Variants in LARP4B observed in about 807,000 individuals in gnomAD.
LARP4B encodes the protein La ribonucleoprotein 4B.
LARP4B carries 12 observed loss-of-function variants against 89.8 expected under a neutral mutation model. The ratio of observed to expected loss-of-function variants is 0.13; its 90% confidence interval spans 0.09 to 0.22. The LOEUF is 0.22. LARP4B is among the 10% of genes least tolerant of loss of function. The pLI is 1.00. For missense variants in LARP4B, 757 were observed against 947.7 expected, an observed-to-expected ratio of 0.80 and a Z score of 2.64; for synonymous variants, 367 against 363.3, an observed-to-expected ratio of 1.01 and a Z score of -0.12.
intron 5 of LARP4B, among the ~76,000 whole-genome samples, chr10:850,170 C>G (rs955826476): frequency 3.3e-5 from 5 of 152,160 alleles, no homozygotes; most frequent in Non-Finnish European, 4.4e-5. Flanking sequence ...TAAAACTATT[C>G]TAAAACAAAT....
chr10:921,552 A>T (rs1836981222), intron 1 of LARP4B, among the ~76,000 whole-genome samples: 1 of 152,182 alleles, frequency 6.6e-6, no homozygotes, highest in Non-Finnish European at 1.5e-5. Context: ...CACTTCCAAA[A>T]TTCTGAACTT....
chr10:892,961 A>G (rs1300160566), intron 1 of LARP4B, among the ~76,000 whole-genome samples: 1 of 138,996 alleles, frequency 7.2e-6, no homozygotes, highest in Admixed American at 7.6e-5. Context: ...CCCAGGCTGG[A>G]GTGCAATGGC....
chr10:841,916 C>T lies in LARP4B; in HGVS notation c.646+1016G>A, dbSNP rs140991129. 1.1e-3 allele frequency among the ~76,000 whole-genome samples: 162 copies of T among 151,928 alleles called. 2 individuals are homozygous for T. Among genetic ancestry groups the T allele is most frequent in the African/African-American group, 3.9e-3 (160 of 41,430 alleles). On this transcript the variant is annotated intron_variant, in intron 7 of 17. Transcript: ENST00000316157. ...ATATTTTATTTGTGAAAAGAAAATC[C>T]AACTAAGTTCTCATGTAAGATGCTC... is the stretch of plus-strand genomic sequence containing the variant.
At chr10:907,047 C>T (rs1277342801) in intron 1 of LARP4B, among the ~76,000 whole-genome samples, 1 of 152,226 alleles carries the variant, frequency 6.6e-6, no homozygotes. Flanking sequence ...GATGCTCTCC[C>T]CATCCTCCCA....
At chr10:972,796 G>C in the LARP4B span, 1 of 456,798 alleles carries the variant, frequency 2.2e-6, no homozygotes. Flanking sequence ...GCCCCAGGTA[G>C]CCGCATTCTT....
At chr10:973,149 G>T in the LARP4B span, among the ~76,000 whole-genome samples, 1 of 152,126 alleles carries the variant, frequency 6.6e-6, no homozygotes, top group African/African-American at 2.4e-5. Flanking sequence ...GATGTGCTAT[G>T]AGAGTCCCAC....
At chr10:830,281 A>G (rs1203929181) in intron 9 of LARP4B, among the ~76,000 whole-genome samples, 1 of 152,134 alleles carries the variant, frequency 6.6e-6, no homozygotes, top group Non-Finnish European at 1.5e-5. Flanking sequence ...TCCACTCCAC[A>G]AAAATGGTTA....
At chr10:868,673 C>G (rs1835039558) in intron 3 of LARP4B, among the ~76,000 whole-genome samples, 1 of 152,220 alleles carries the variant, frequency 6.6e-6, no homozygotes, top group African/African-American at 2.4e-5. Flanking sequence ...TTTGCCTCCA[C>G]AACTATTTAA....
intron 5 of LARP4B, among the ~76,000 whole-genome samples, chr10:849,747 T>C (rs191422648): frequency 1.3e-5 from 2 of 152,330 alleles, no homozygotes; most frequent in Non-Finnish European, 2.9e-5. Flanking sequence ...GTAAGTCACG[T>C]TGACAATGTG....
chr10:948,526 C>T, the LARP4B span, among the ~76,000 whole-genome samples: 26 of 152,340 alleles, frequency 1.7e-4, 1 homozygote, highest in East Asian at 1.5e-3. Flanking sequence ...GGATTACAGG[C>T]GTGAGCCCCC....
At position 822,299 on chromosome 10, in the gene LARP4B, G is replaced by A. The variant is rs1832393265; in HGVS notation, c.1485-1454C>T. ...TGCTTGCCCAGAGGCATTGCCCTGA[G>A]CGCTGGACAGAGGGACAGCAGCCAC... is the stretch of plus-strand genomic sequence containing the variant. On this transcript the variant is annotated intron_variant, in intron 13 of 17. Transcript: ENST00000316157. The surrounding 1 kb of genome is among the most constrained non-coding windows in gnomAD (Gnocchi z 4.6). Among the ~76,000 whole-genome samples the A allele has an allele frequency of 6.6e-6, 1 of 152,230 alleles. No homozygotes were observed. The highest frequency in any genetic ancestry group is 6.5e-5 in the Admixed American group (1 of 15,286).
At chr10:943,178 C>T in the LARP4B span, among the ~76,000 whole-genome samples, 1 of 152,096 alleles carries the variant, frequency 6.6e-6, no homozygotes, top group African/African-American at 2.4e-5. Flanking sequence ...AACTCCTGAC[C>T]TCAGGTGATC....
At chr10:887,413 TAA>T (rs970983160) in intron 1 of LARP4B, among the ~76,000 whole-genome samples, 4 of 138,248 alleles carry the variant, frequency 2.9e-5, no homozygotes, top group Non-Finnish European at 4.7e-5. Flanking sequence ...TATACACAAT[TAA>T]AAAAAAAAAA....
the LARP4B span, among the ~76,000 whole-genome samples, chr10:969,109 T>C: frequency 2.0e-5 from 3 of 152,140 alleles, no homozygotes; most frequent in South Asian, 2.1e-4. Context: ...TTATGAGGAA[T>C]AGTGGAAGGA....
intron 5 of LARP4B, among the ~76,000 whole-genome samples, chr10:854,662 G>C (rs552936288): frequency 1.3e-5 from 2 of 152,048 alleles, no homozygotes; most frequent in Non-Finnish European, 2.9e-5. Flanking sequence ...CTGTCATCCA[G>C]GCTTTGTTGT....
intron 1 of LARP4B, among the ~76,000 whole-genome samples, chr10:900,304 A>G (rs34284130): frequency 0.16 from 24,498 of 151,806 alleles, 2,135 homozygotes; most frequent in Non-Finnish European, 0.19. Flanking sequence ...CCAAGATCGC[A>G]CCATTGCACT....
chr10:907,840 G>A (rs1423902855), intron 1 of LARP4B, among the ~76,000 whole-genome samples: 1 of 152,220 alleles, frequency 6.6e-6, no homozygotes, highest in Non-Finnish European at 1.5e-5. Flanking sequence ...TCTCCAGGTA[G>A]GGGAAAGTGG....
chr10:860,148 G>A (rs1834524944), intron 5 of LARP4B, among the ~76,000 whole-genome samples: 1 of 150,702 alleles, frequency 6.6e-6, no homozygotes. Flanking sequence ...GGAGTATATG[G>A]GAGATCTCTA....
At chr10:863,927 A>C in intron 4 of LARP4B, 44 bp from the exon 5 acceptor site, 1 of 1,587,100 alleles carries the variant, frequency 6.3e-7, no homozygotes, top group South Asian at 1.2e-5. Context: ...TTAGAAGCAT[A>C]ACTTTCTCTT....
Sources: allele counts gnomAD v4.1 joint callset (sites outside exome capture counted in the v4.1 genomes callset), GRCh38; gene constraint gnomAD v4.1.1; non-coding constraint Gnocchi (gnomAD v3.1); transcripts MANE v1.5; gene names NCBI Gene and HGNC (gene_info 2026-07-23, HGNC 2026-07-21).